Variants in ADAP2 observed in about 807,000 individuals in gnomAD.
The protein encoded by ADAP2 is ArfGAP with dual PH domains 2.
A neutral mutation model predicts 54.9 loss-of-function variants in ADAP2; 42 were observed. That is an observed-to-expected ratio of 0.77 (90% CI 0.60 to 0.99). The LOEUF is 0.99. Among genes scored for constraint, ADAP2 ranks in the 50% least tolerant of loss-of-function variants. ADAP2 has a pLI of 0.00. For synonymous variants in ADAP2, 177 were observed against 180.1 expected (o/e 0.98, Z 0.14); for missense variants, 429 against 480.4 (o/e 0.89, Z 1.00).
At chr17:30,937,314 C>T (rs1349022996) in intron 5 of ADAP2, among the ~76,000 whole-genome samples, 4 of 148,900 alleles carry the variant, frequency 2.7e-5, no homozygotes, top group Non-Finnish European at 6.0e-5. Context: ...CTCCACCTCC[C>T]GGGTTCAAGT....
At chr17:30,946,222 G>T (rs778290572) in intron 6 of ADAP2, among the ~76,000 whole-genome samples, 6 of 151,748 alleles carry the variant, frequency 4.0e-5, no homozygotes, top group African/African-American at 1.5e-4. Context: ...GCACATTAAA[G>T]TTTGAGAAGC....
At chr17:30,939,728 G>A (rs1038666002) in intron 5 of ADAP2, among the ~76,000 whole-genome samples, 26 of 144,826 alleles carry the variant, frequency 1.8e-4, no homozygotes, top group Admixed American at 1.0e-3. Context: ...CCGAGATGGC[G>A]CCACTGCACT....
intron 7 of ADAP2, among the ~76,000 whole-genome samples, chr17:30,951,805 G>A (rs953233025): frequency 4.6e-5 from 7 of 151,868 alleles, no homozygotes; most frequent in Middle Eastern, 3.4e-3. Flanking sequence ...ACAGGCGCTC[G>A]CCACTGCACC....
chr17:30,928,044 A>T (rs1258595577), intron 3 of ADAP2, among the ~76,000 whole-genome samples: 1 of 151,512 alleles, frequency 6.6e-6, no homozygotes, highest in Non-Finnish European at 1.5e-5. Context: ...AAAAGTAGCT[A>T]CTGGCTGGAT....
In ADAP2 at chr17:30,940,600, C is replaced by G. The variant is rs547806926; in HGVS notation, c.511-4307C>G. Among the ~76,000 whole-genome samples the G allele has an allele frequency of 2.6e-5, 4 of 152,284 alleles. No individual in the cohort carries two copies. In the East Asian group the frequency reaches 7.7e-4, roughly 29 times the overall value. On this transcript the variant is annotated intron_variant, in intron 5 of 10. Transcript: ENST00000330889. The stretch of plus-strand genomic sequence containing the variant: ...GATTACAGGCGTGAGCCACCATGCC[C>G]GGCCTCCTTTACAGATTTTTTAAGA...
intron 3 of ADAP2, 60 bp downstream of exon 3, chr17:30,926,978 C>T: frequency 1.5e-6 from 2 of 1,325,200 alleles, no homozygotes; most frequent in Non-Finnish European, 2.2e-6. Flanking sequence ...ACCTCCTCCC[C>T]CTCTCCATCT....
chr17:30,943,717 C>T (rs936923583), intron 5 of ADAP2, among the ~76,000 whole-genome samples: 2 of 151,816 alleles, frequency 1.3e-5, no homozygotes, highest in African/African-American at 4.8e-5. Context: ...CATGGCGGCA[C>T]GTGTCTGTAA....
Position 30,921,971 on chromosome 17 carries a change from G to A in ADAP2, c.-44G>A. On this transcript the variant is annotated 5_prime_UTR_variant, in exon 1 of 11. Transcript: ENST00000330889. ...TCCCTCTCCACCTGCCGGGCGGAGC[G>A]CACGGGCCATGGGCTGAGCCCCGCT... The A allele has an allele frequency of 1.7e-6, 2 of 1,205,098 alleles. No homozygotes were observed. Among genetic ancestry groups the A allele is most frequent in the South Asian group, 7.7e-5 (2 of 25,886 alleles). 74.7% of individuals were successfully genotyped at this position (1,205,098 alleles called of 1,614,324 possible). A position where few individuals can be genotyped will look rare whatever the true frequency, so the allele number is the denominator to read the frequency against.
intron 5 of ADAP2, among the ~76,000 whole-genome samples, chr17:30,942,387 G>A (rs976472947): frequency 6.6e-6 from 1 of 152,170 alleles, no homozygotes; most frequent in Non-Finnish European, 1.5e-5. Context: ...ATTGATGGAA[G>A]TAAATATTGG....
Position 30,953,757 on chromosome 17 carries a change from G to A in ADAP2, c.804+407G>A, listed in dbSNP as rs1019769591. The stretch of plus-strand genomic sequence containing the variant: ...TCACCATGTTGGCCAGGCTGGTCTC[G>A]AACTCCTGACCTCAAGCGATCTGCC... On this transcript the variant is annotated intron_variant, in intron 8 of 10. Transcript: ENST00000330889. Among the ~76,000 whole-genome samples, 6 of 152,080 alleles carry A rather than the reference G, an allele frequency of 3.9e-5. No individual in the cohort carries two copies. The South Asian group carries it at 6.2e-4, about 16-fold the overall frequency.
chr17:30,948,486 T>A (rs911633893), intron 6 of ADAP2, among the ~76,000 whole-genome samples: 2 of 151,048 alleles, frequency 1.3e-5, no homozygotes, highest in Non-Finnish European at 2.9e-5. Context: ...AGGAGAATGG[T>A]GTGAACCCAG....
At chr17:30,957,770 C>G in intron 10 of ADAP2, 65 bp from the exon 11 acceptor site, 1 of 1,532,112 alleles carries the variant, frequency 6.5e-7, no homozygotes, top group South Asian at 1.1e-5. Flanking sequence ...CCTTTGCTGT[C>G]CCTCTCCTCC....
chr17:30,954,617 T>C, intron 9 of ADAP2, 62 bp downstream of exon 9: 1 of 1,388,310 alleles, frequency 7.2e-7, no homozygotes. Flanking sequence ...GGTGCTTGTC[T>C]GGAACTATGT....
rs146199614 is a variant in ADAP2, at chr17:30,953,428, T to A, written c.804+78T>A. 5.7e-4 allele frequency: 827 copies of A among 1,463,066 alleles called. 3 individuals carry two copies. The African/African-American group carries it at 9.0e-3, about 16-fold the overall frequency. The allele number at this position is 1,463,066 out of a possible 1,614,324, so 90.6% of individuals were successfully genotyped here. On this transcript the variant is annotated intron_variant, in intron 8 of 10. Transcript: ENST00000330889. ...GTTTCATGTGTTTATGGGATGATTG[T>A]TAAGAGGACAGTGAAAGGTGTTAGG...
At chr17:30,935,711 C>A (rs1327209059) in intron 5 of ADAP2, among the ~76,000 whole-genome samples, 1 of 152,172 alleles carries the variant, frequency 6.6e-6, no homozygotes, top group Admixed American at 6.6e-5. Context: ...CAGCTAGGAG[C>A]TTTTTATGCA....
intron 6 of ADAP2, 55 bp downstream of exon 6, chr17:30,945,108 A>T: frequency 1.3e-6 from 2 of 1,593,346 alleles, no homozygotes; most frequent in Non-Finnish European, 1.7e-6. Flanking sequence ...AGGACTTGGC[A>T]GGTGCAGCTC....
chr17:30,955,928 G>T (rs1280244114), intron 9 of ADAP2, among the ~76,000 whole-genome samples: 1 of 151,470 alleles, frequency 6.6e-6, no homozygotes, highest in East Asian at 1.9e-4. Context: ...ATTTTTTTTT[G>T]TAGAGAAGGG....
chr17:30,938,564 T>A (rs1912047950), intron 5 of ADAP2, among the ~76,000 whole-genome samples: 1 of 152,168 alleles, frequency 6.6e-6, no homozygotes, highest in Non-Finnish European at 1.5e-5. Flanking sequence ...CATTGAGCCC[T>A]GGGGCATTCC....
At chr17:30,950,716 G>A (rs928418419) in intron 7 of ADAP2, among the ~76,000 whole-genome samples, 11 of 152,180 alleles carry the variant, frequency 7.2e-5, no homozygotes, top group Non-Finnish European at 1.2e-4. Flanking sequence ...GATGTGCTGA[G>A]ATGGCAGCTC....
Sources: allele counts gnomAD v4.1 joint callset (sites outside exome capture counted in the v4.1 genomes callset), GRCh38; gene constraint gnomAD v4.1.1; transcripts MANE v1.5; gene names NCBI Gene and HGNC (gene_info 2026-07-23, HGNC 2026-07-21).